KCNH5: variants seen among roughly 807,000 people sequenced by gnomAD.
KCNH5 encodes potassium voltage-gated channel subfamily H member 5.
KCNH5 carries 46 observed loss-of-function variants against 96.1 expected under a neutral mutation model. The ratio of observed to expected loss-of-function variants is 0.48; its 90% CI spans 0.38 to 0.61. The LOEUF (loss-of-function observed/expected upper bound fraction) is 0.61. Ranked by LOEUF, KCNH5 falls within the 20% of genes least tolerant of loss-of-function variation. The pLI, the probability that KCNH5 is intolerant of heterozygous loss-of-function variation, is 0.00. For synonymous variants in KCNH5, 439 were observed against 449.8 expected, an observed-to-expected ratio of 0.98 and a Z score of 0.30; for missense variants, 907 against 1,225.8, an observed-to-expected ratio of 0.74 and a Z score of 3.88.
At chr14:63,034,209 CACCCAGCCTGTA>C (rs1476261925) in intron 1 of KCNH5, among the ~76,000 whole-genome samples, 1 of 152,160 alleles carries the variant, frequency 6.6e-6, no homozygotes, top group Non-Finnish European at 1.5e-5. Flanking sequence ...TGAGCCACGG[CACCCAGCCTGTA>C]TTATTTTTTA....
chr14:62,850,559 T>A (rs985594176), intron 7 of KCNH5, among the ~76,000 whole-genome samples: 1 of 152,256 alleles, frequency 6.6e-6, no homozygotes, highest in African/African-American at 2.4e-5. Flanking sequence ...TTGTCATTCA[T>A]CTACAGGGGA....
At chr14:62,854,021 AAAAAAAC>A (rs1566682991) in intron 7 of KCNH5, among the ~76,000 whole-genome samples, 21 of 150,318 alleles carry the variant, frequency 1.4e-4, no homozygotes, top group African/African-American at 2.5e-4. Context: ...AAAAAAAACA[AAAAAAAC>A]AAAAAAAACA....
intron 9 of KCNH5, among the ~76,000 whole-genome samples, chr14:62,789,476 C>T (rs1886387524): frequency 1.3e-5 from 2 of 151,904 alleles, no homozygotes; most frequent in Non-Finnish European, 1.5e-5. Context: ...CACAGTAGTA[C>T]TATTGTTAAT....
chr14:62,826,907 T>C (rs1273684332), intron 8 of KCNH5, among the ~76,000 whole-genome samples: 2 of 152,006 alleles, frequency 1.3e-5, no homozygotes, highest in Non-Finnish European at 2.9e-5. Flanking sequence ...AACGACTTCA[T>C]GAATCAGAAG....
intron 7 of KCNH5, among the ~76,000 whole-genome samples, chr14:62,878,382 T>C (rs978149581): frequency 1.3e-5 from 2 of 151,836 alleles, no homozygotes; most frequent in African/African-American, 4.8e-5. Flanking sequence ...AAAGAAACCA[T>C]AGGAGAAAGT....
intron 7 of KCNH5, among the ~76,000 whole-genome samples, chr14:62,937,328 C>T (rs1050088481): frequency 6.6e-6 from 1 of 152,152 alleles, no homozygotes; most frequent in South Asian, 2.1e-4. Flanking sequence ...TGACCCTGTA[C>T]AGTCTATTTT....
chr14:62,801,728 A>T (rs1886665151), intron 9 of KCNH5, among the ~76,000 whole-genome samples: 1 of 152,126 alleles, frequency 6.6e-6, no homozygotes. Flanking sequence ...GGACAGAACC[A>T]GCTTTATAAA....
At chr14:62,780,735 C>A (rs1466094930) in intron 9 of KCNH5, among the ~76,000 whole-genome samples, 1 of 152,078 alleles carries the variant, frequency 6.6e-6, no homozygotes, top group Non-Finnish European at 1.5e-5. Flanking sequence ...ATAAAAAGAA[C>A]GAGAAAGAGT....
chr14:62,932,346 A>T (rs1236501412), intron 7 of KCNH5, among the ~76,000 whole-genome samples: 1 of 152,084 alleles, frequency 6.6e-6, no homozygotes, highest in Non-Finnish European at 1.5e-5. Context: ...AAAAGGCAAG[A>T]GCTCTTGGAA....
chr14:62,843,600 C>T (rs529646860), intron 8 of KCNH5, among the ~76,000 whole-genome samples: 7 of 151,826 alleles, frequency 4.6e-5, no homozygotes, highest in African/African-American at 1.4e-4. Context: ...TTAGTAGAGA[C>T]GGGATTTCAC....
chr14:62,929,037 C>T (rs539552056), intron 7 of KCNH5, among the ~76,000 whole-genome samples: 20 of 152,172 alleles, frequency 1.3e-4, no homozygotes, highest in African/African-American at 2.9e-4. Context: ...TATGTACTTA[C>T]GTGTCTATGC....
chr14:62,895,934 A>C (rs947666880), intron 7 of KCNH5, among the ~76,000 whole-genome samples: 9 of 152,216 alleles, frequency 5.9e-5, no homozygotes, highest in African/African-American at 1.9e-4. Context: ...CATTTAGGTA[A>C]AAATTTAAGT....
intron 7 of KCNH5, among the ~76,000 whole-genome samples, chr14:62,910,584 GA>G (rs1407622399): frequency 6.6e-6 from 1 of 152,110 alleles, no homozygotes; most frequent in Non-Finnish European, 1.5e-5. Flanking sequence ...GGTAGTTTTG[GA>G]AAGAACATAA....
intron 6 of KCNH5, among the ~76,000 whole-genome samples, chr14:62,955,165 C>G (rs529979248): frequency 6.6e-6 from 1 of 151,512 alleles, no homozygotes; most frequent in Non-Finnish European, 1.5e-5. Context: ...GAGCAGGGCA[C>G]TATTTATATT....
intron 10 of KCNH5, among the ~76,000 whole-genome samples, chr14:62,710,362 A>G (rs1884542039): frequency 6.6e-6 from 1 of 152,212 alleles, no homozygotes; most frequent in Non-Finnish European, 1.5e-5. Flanking sequence ...AATAATCTCA[A>G]ATTCTGACAT....
chr14:62,711,857 G>A (rs1393947465), intron 10 of KCNH5, among the ~76,000 whole-genome samples: 1 of 152,268 alleles, frequency 6.6e-6, no homozygotes, highest in Admixed American at 6.5e-5. Context: ...TAGGTGATCT[G>A]CCACCAGGGA....
At chr14:62,926,805 G>T (rs1352285765) in intron 7 of KCNH5, among the ~76,000 whole-genome samples, 2 of 151,986 alleles carry the variant, frequency 1.3e-5, no homozygotes, top group African/African-American at 4.8e-5. Flanking sequence ...TCACATGAAG[G>T]GTTGGGATTT....
At chr14:62,920,402 G>A (rs918382281) in intron 7 of KCNH5, among the ~76,000 whole-genome samples, 1 of 152,114 alleles carries the variant, frequency 6.6e-6, no homozygotes, top group African/African-American at 2.4e-5. Flanking sequence ...GGTTAAAGCA[G>A]GGATGCAGGG....
At chr14:63,029,305 T>C (rs145877546) in intron 1 of KCNH5, among the ~76,000 whole-genome samples, 36 of 152,214 alleles carry the variant, frequency 2.4e-4, no homozygotes, top group Non-Finnish European at 4.9e-4. Flanking sequence ...ACCAAGTAAG[T>C]TTCTGCAAAA....
Sources: gnomAD v4.1 joint callset for allele counts (sites outside exome capture counted in the v4.1 genomes callset) on GRCh38, gnomAD v4.1.1 for gene constraint, MANE v1.5 for transcripts, NCBI Gene and HGNC (gene_info 2026-07-23, HGNC 2026-07-21) for gene names.